Variants in NUP42 observed in about 807,000 individuals in gnomAD.
NUP42 encodes the protein nucleoporin NUP42.
A neutral mutation model predicts 35.9 loss-of-function variants in NUP42; 47 were observed. The observed-to-expected ratio is 1.31, with a 90% CI of 1.04 to 1.67. The LOEUF is 1.67. Ranked by LOEUF, NUP42 falls within the 40% of genes most tolerant of loss-of-function variation. NUP42 has a pLI of 0.00. For missense variants in NUP42, 514 were observed against 492.2 expected (o/e 1.04, Z -0.42); for synonymous variants, 173 against 173.3 (o/e 1.00, Z 0.01).
intron 1 of NUP42, among the ~76,000 whole-genome samples, chr7:23,184,794 C>T (rs887794327): frequency 1.3e-5 from 2 of 152,048 alleles, no homozygotes; most frequent in African/African-American, 4.8e-5. Flanking sequence ...CTCTTGAGCC[C>T]AGGAGTTTGA....
chr7:23,188,870 T>A (rs1785693103), intron 3 of NUP42, among the ~76,000 whole-genome samples: 1 of 152,204 alleles, frequency 6.6e-6, no homozygotes, highest in Admixed American at 6.5e-5. Flanking sequence ...TACTTGTATC[T>A]TAGCAAGAAT....
intron 3 of NUP42, among the ~76,000 whole-genome samples, chr7:23,191,006 T>A (rs1785771670): frequency 6.6e-6 from 1 of 152,168 alleles, no homozygotes; most frequent in Admixed American, 6.5e-5. Context: ...AAATGAGTCC[T>A]GAATAAAGAG....
At chr7:23,200,139 G>GTTTT (rs112626242) in intron 6 of NUP42, 29 bp from the exon 7 acceptor site, 2 of 1,397,434 alleles carry the variant, frequency 1.4e-6, no homozygotes, top group South Asian at 2.9e-5. Flanking sequence ...GATTTTTGTT[G>GTTTT]TTTTTTTTGT....
At chr7:23,186,461 C>A (rs1451050850) in intron 2 of NUP42, among the ~76,000 whole-genome samples, 4 of 152,182 alleles carry the variant, frequency 2.6e-5, no homozygotes, top group Admixed American at 2.0e-4. Context: ...AGAGCCGAAT[C>A]TACCCACGGC....
rs1353437680 is a variant in NUP42, at chr7:23,200,959, G to T, written c.*214G>T. 9.9e-6 allele frequency: 3 copies of T among 303,974 alleles called. No homozygotes were observed. The highest frequency in any genetic ancestry group is 5.0e-5 in the Admixed American group (1 of 20,002). 18.8% of individuals were successfully genotyped at this position (303,974 alleles called of 1,614,324 possible). A position where few individuals can be genotyped will look rare whatever the true frequency, so the allele number is the denominator to read the frequency against. The stretch of plus-strand genomic sequence containing the variant: ...GGGAATTTTTTTGTACTGTAATTTT[G>T]AATGGAACTGAAAAATTATGCACGA... On this transcript the variant is annotated 3_prime_UTR_variant, in exon 7 of 7. Coordinates refer to ENST00000258742, the MANE Select transcript of NUP42 (RefSeq NM_007342.3).
intron 2 of NUP42, 54 bp downstream of exon 2, chr7:23,185,352 T>C: frequency 8.4e-7 from 1 of 1,194,732 alleles, no homozygotes; most frequent in Non-Finnish European, 1.2e-6. Context: ...TTTTTTCACC[T>C]ACAATCTTTG....
chr7:23,188,369 A>G, intron 3 of NUP42: 1 of 1,114,510 alleles, frequency 9.0e-7, no homozygotes, highest in Non-Finnish European at 1.1e-6. Context: ...GGAGGAAAAC[A>G]ATAAGTGATG....
rs752186031 is a variant in NUP42 at position 23,195,922 on chromosome 7, T to C, written c.522+7T>C. The C allele has an allele frequency of 1.9e-6, 3 of 1,549,318 alleles. No individual in the cohort carries two copies. Among genetic ancestry groups the C allele is most frequent in the Non-Finnish European group, 1.8e-6 (2 of 1,129,626 alleles). On this transcript the variant is annotated splice_region_variant and intron_variant, in intron 4 of 6. Transcript: ENST00000258742. The stretch of plus-strand genomic sequence containing the variant: ...CAATAACTTACAGAGTTATGTAAGT[T>C]TGTTTCCTATTAATCTACTGCAATA...
rs1786072465 is a variant in NUP42 at position 23,197,915 on chromosome 7, TAGAA to T, written c.609+1152_609+1155del. Among the ~76,000 whole-genome samples the T allele has an allele frequency of 2.0e-5, 3 of 151,634 alleles. No homozygotes were observed. In the South Asian group the frequency reaches 6.2e-4, roughly 32 times the overall value. ...AAAAGACAAGTCTCATTTGTAGTGATAGAAAGCAGACAGAGTGGTTGCCAGGGAC... is the reference window on the plus strand; with the variant it reads ...AAAAGACAAGTCTCATTTGTAGTGATAGCAGACAGAGTGGTTGCCAGGGAC... On this transcript the variant is annotated intron_variant, in intron 5 of 6. Transcript: ENST00000258742.
rs995493897 is a variant in NUP42, at chr7:23,200,875, T to A, written c.*130T>A. 4.0e-6 allele frequency: 2 copies of A among 505,050 alleles called. No homozygotes were observed. Among genetic ancestry groups the A allele is most frequent in the African/African-American group, 4.0e-5 (2 of 50,256 alleles). 31.3% of individuals were successfully genotyped at this position (505,050 alleles called of 1,614,324 possible). On this transcript the variant is annotated 3_prime_UTR_variant, in exon 7 of 7. Transcript: ENST00000258742. ...GCTTCCATCAATAGTGATTTTAAATTTGATTTTTTTCTTAACTCTAAATAT... is the reference window on the plus strand; with the variant it reads ...GCTTCCATCAATAGTGATTTTAAATATGATTTTTTTCTTAACTCTAAATAT...
chr7:23,186,305 T>C (rs1428501965), intron 2 of NUP42, among the ~76,000 whole-genome samples: 5 of 152,234 alleles, frequency 3.3e-5, no homozygotes, highest in Non-Finnish European at 7.3e-5. Flanking sequence ...TTGAGTCATA[T>C]ACCATATACA....
At chr7:23,196,634 T>G in intron 4 of NUP42, 46 bp from the exon 5 acceptor site, 2 of 1,336,166 alleles carry the variant, frequency 1.5e-6, no homozygotes, top group Non-Finnish European at 2.1e-6. Context: ...GAAACTAACT[T>G]AAACATACAA....
chr7:23,188,907 A>T (rs2128473229), intron 3 of NUP42, among the ~76,000 whole-genome samples: 1 of 152,380 alleles, frequency 6.6e-6, no homozygotes, highest in Non-Finnish European at 1.5e-5. Flanking sequence ...AATTACTAGT[A>T]GATGTCACAA....
In NUP42 at chr7:23,200,719, C is replaced by T; in HGVS notation, c.1246C>T (p.Pro416Ser). 1.3e-6 allele frequency: 2 copies of T among 1,599,106 alleles called. No homozygotes were observed. Among genetic ancestry groups the T allele is most frequent in the East Asian group, 2.2e-5 (1 of 44,756 alleles). ...TCTGGGAAAAATTCCATTAAAGCCT[C>T]CACCTCTGGAACTTCTAAATGTTTA... is the stretch of plus-strand genomic sequence containing the variant. ...FTLGKIPLKP[P>S]PLELLNV The change falls in exon 7 of 7, where the codon CCA becomes TCA. Residue 416 changes from proline (P) to serine (S), a missense_variant. Coordinates refer to ENST00000258742, the MANE Select transcript of NUP42 (RefSeq NM_007342.3).
intron 3 of NUP42, chr7:23,188,431 A>C (rs894997665): frequency 1.0e-6 from 1 of 985,302 alleles, no homozygotes; most frequent in African/African-American, 1.7e-5. Flanking sequence ...AAGAAACCAC[A>C]AAGTATTAAG....
At position 23,188,014 on chromosome 7, in the gene NUP42, T is replaced by A. The variant is rs1003423667; in HGVS notation, c.445+868T>A. 6.2e-5 allele frequency: 36 copies of A among 577,604 alleles called. No individual in the cohort carries two copies. In the African/African-American group the frequency reaches 6.6e-4, roughly 11 times the overall value. 35.8% of individuals were successfully genotyped at this position (577,604 alleles called of 1,614,324 possible). A position where few individuals can be genotyped will look rare whatever the true frequency, so the allele number is the denominator to read the frequency against. ...TCTCTTTTTTTATTTTTTATTTTTA[T>A]TTTTTTTTTTGTCCATAGTCCCTAA... On this transcript the variant is annotated intron_variant, in intron 3 of 6. Coordinates refer to ENST00000258742, the MANE Select transcript of NUP42 (RefSeq NM_007342.3).
rs114198239 is a variant in NUP42 at position 23,191,905 on chromosome 7, C to T, written c.446-3934C>T. On this transcript the variant is annotated intron_variant, in intron 3 of 6. Coordinates refer to ENST00000258742, the MANE Select transcript of NUP42 (RefSeq NM_007342.3). Reference sequence around the variant, plus strand: ...ATCACTGGAGCCTAGGAAGTCAAGGCGGCAGTGAGCCACTGCACTCCAGCC... The same window carrying T: ...ATCACTGGAGCCTAGGAAGTCAAGGTGGCAGTGAGCCACTGCACTCCAGCC... Among the ~76,000 whole-genome samples, 477 of 152,138 alleles carry T rather than the reference C, an allele frequency of 3.1e-3. 2 individuals carry two copies. The highest frequency in any genetic ancestry group is 0.011 in the African/African-American group (464 of 41,504).
intron 1 of NUP42, chr7:23,182,466 G>C (rs117176484): frequency 0.029 from 37,503 of 1,295,140 alleles, 623 homozygotes; most frequent in South Asian, 0.05. Flanking sequence ...TAAATCGGAA[G>C]TACCTATCGA....
At chr7:23,198,032 A>G (rs1441824070) in intron 5 of NUP42, among the ~76,000 whole-genome samples, 1 of 151,560 alleles carries the variant, frequency 6.6e-6, no homozygotes, top group East Asian at 2.0e-4. Context: ...GCGGATCACA[A>G]GGTCAGGAGT....
Sources: gnomAD v4.1 joint callset for allele counts (sites outside exome capture counted in the v4.1 genomes callset) on GRCh38, gnomAD v4.1.1 for gene constraint, MANE v1.5 for transcripts, NCBI Gene and HGNC (gene_info 2026-07-23, HGNC 2026-07-21) for gene names.